SORBS2: variants seen among roughly 807,000 people sequenced by gnomAD.
SORBS2 encodes the protein sorbin and SH3 domain containing 2, also known as sorbin and SH3 domain-containing protein 2.
In SORBS2, 46 loss-of-function variants were observed where a neutral mutation model predicts 97.7. The observed-to-expected ratio is 0.47, with a 90% CI of 0.37 to 0.60. The LOEUF is 0.60. Ranked by LOEUF, SORBS2 falls within the 20% of genes least tolerant of loss-of-function variation. SORBS2 has a pLI of 0.00. For missense variants in SORBS2, 1,316 were observed against 1,282.3 expected, an observed-to-expected ratio of 1.03 and a Z score of -0.40; for synonymous variants, 476 against 473.4, an observed-to-expected ratio of 1.01 and a Z score of -0.07.
intron 4 of SORBS2, among the ~76,000 whole-genome samples, chr4:185,667,601 AACCT>A (rs2097635600): frequency 1.3e-5 from 2 of 151,536 alleles, no homozygotes; most frequent in Non-Finnish European, 2.9e-5. Flanking sequence ...AAGAAACCCC[AACCT>A]TGGATAAAAA....
At chr4:185,941,081 G>C (rs994331761) in intron 1 of SORBS2, among the ~76,000 whole-genome samples, 2 of 152,104 alleles carry the variant, frequency 1.3e-5, no homozygotes, top group South Asian at 4.1e-4. Context: ...CATGCCATTC[G>C]TCTACTTCGT....
chr4:185,840,095 A>G (rs945073793), intron 1 of SORBS2, among the ~76,000 whole-genome samples: 8 of 152,358 alleles, frequency 5.3e-5, no homozygotes, highest in Non-Finnish European at 7.3e-5. Flanking sequence ...GTGTAAATAC[A>G]GCTCTACAGC....
chr4:185,904,431 C>A (rs2099249531), intron 1 of SORBS2, among the ~76,000 whole-genome samples: 1 of 152,152 alleles, frequency 6.6e-6, no homozygotes, highest in Admixed American at 6.5e-5. Flanking sequence ...TGGCAGTGGC[C>A]TCTTCAGGCT....
intron 4 of SORBS2, among the ~76,000 whole-genome samples, chr4:185,644,284 C>T (rs2097174562): frequency 6.6e-6 from 1 of 152,252 alleles, no homozygotes; most frequent in African/African-American, 2.4e-5. Flanking sequence ...TATCCACACT[C>T]GAATCTCTGT....
intron 12 of SORBS2, among the ~76,000 whole-genome samples, chr4:185,600,581 T>G (rs2096239465): frequency 6.6e-6 from 1 of 152,190 alleles, no homozygotes; most frequent in Non-Finnish European, 1.5e-5. Context: ...TCAAGTGATC[T>G]GCCTGCCTCG....
chr4:185,799,493 A>T (rs973384329), intron 1 of SORBS2, among the ~76,000 whole-genome samples: 2 of 152,214 alleles, frequency 1.3e-5, no homozygotes, highest in African/African-American at 4.8e-5. Flanking sequence ...CGAGCATTAG[A>T]GTCCCGCTGA....
intron 1 of SORBS2, among the ~76,000 whole-genome samples, chr4:185,954,105 T>C (rs767968472): frequency 5.9e-5 from 9 of 152,258 alleles, no homozygotes; most frequent in African/African-American, 2.2e-4. Flanking sequence ...AGATTTTATA[T>C]ATCTCAGGTA....
chr4:185,756,883 C>T (rs1372151114), intron 2 of SORBS2, among the ~76,000 whole-genome samples: 2 of 152,124 alleles, frequency 1.3e-5, no homozygotes, highest in African/African-American at 2.4e-5. Flanking sequence ...AAGTCTTTCA[C>T]ATTTGCTGCT....
intron 4 of SORBS2, among the ~76,000 whole-genome samples, chr4:185,638,598 A>G (rs2097067248): frequency 6.6e-6 from 1 of 151,226 alleles, no homozygotes; most frequent in South Asian, 2.1e-4. Context: ...TAGCAGTCCC[A>G]GCATGGGAGC....
At chr4:185,896,892 CAAA>C (rs70962602) in intron 1 of SORBS2, among the ~76,000 whole-genome samples, 20 of 109,816 alleles carry the variant, frequency 1.8e-4, no homozygotes, top group East Asian at 2.4e-4. Context: ...TACACATGGC[CAAA>C]AAAAAAAAAA....
intron 11 of SORBS2, 53 bp downstream of exon 23, chr4:185,614,778 C>A: frequency 6.2e-7 from 1 of 1,600,398 alleles, no homozygotes. Context: ...CTTTTCAAAC[C>A]CACTGAAGAA....
At chr4:185,649,736 T>C in intron 2 of SORBS2, 80 bp from the exon 12 acceptor site, 1 of 909,862 alleles carries the variant, frequency 1.1e-6, no homozygotes, top group Non-Finnish European at 1.5e-6. Context: ...TTTGTCCCCC[T>C]CAAAATAGCC....
At chr4:185,944,031 C>T (rs919271253) in intron 1 of SORBS2, among the ~76,000 whole-genome samples, 18 of 152,174 alleles carry the variant, frequency 1.2e-4, no homozygotes, top group Non-Finnish European at 7.3e-5. Flanking sequence ...AATGGTAGTG[C>T]TTCAGAAAGT....
chr4:185,594,125 TAAAGCA>T, intron 12 of SORBS2, 190 bp from the exon 25 acceptor site: 1 of 559,148 alleles, frequency 1.8e-6, no homozygotes. Flanking sequence ...AGCTTTAAAT[TAAAGCA>T]AAATAAGCAA....
intron 2 of SORBS2, among the ~76,000 whole-genome samples, chr4:185,764,711 C>T (rs890679160): frequency 7.2e-5 from 11 of 152,056 alleles, no homozygotes; most frequent in African/African-American, 2.7e-4. Flanking sequence ...TAAGAAATAG[C>T]AAATAGAGGG....
At position 185,852,355 on chromosome 4, in the gene SORBS2, T is replaced by C. The variant is rs190035345; in HGVS notation, c.-337-76989A>G. Among the ~76,000 whole-genome samples, 36 of 152,330 alleles carry C rather than the reference T, an allele frequency of 2.4e-4. No homozygotes were observed. In the East Asian group the frequency reaches 6.9e-3, roughly 29 times the overall value. ...CTCAATGCTACCTCTTATTCTAGAC[T>C]GGTATCTGCAGAGTGAGATACTATT... On this transcript the variant is annotated intron_variant, in intron 1 of 20. Coordinates refer to the SORBS2 transcript ENST00000284776.
At chr4:185,677,682 A>T (rs1426856622) in intron 4 of SORBS2, 2 of 1,419,216 alleles carry the variant, frequency 1.4e-6, no homozygotes, top group Non-Finnish European at 9.2e-7. Flanking sequence ...AAGTTGAAAG[A>T]AAAACAGAGA....
At chr4:185,828,637 T>C (rs1330672700) in intron 1 of SORBS2, among the ~76,000 whole-genome samples, 2 of 152,138 alleles carry the variant, frequency 1.3e-5, no homozygotes, top group East Asian at 1.9e-4. Flanking sequence ...CAGGGAACCA[T>C]GGCTCGCCCA....
At chr4:185,697,795 G>A (rs114276190) in intron 2 of SORBS2, among the ~76,000 whole-genome samples, 2,308 of 152,214 alleles carry the variant, frequency 0.015, 55 homozygotes, top group African/African-American at 0.052. Flanking sequence ...CTTGTACTGA[G>A]AAGCACACAT....
Sources: allele counts gnomAD v4.1 joint callset (sites outside exome capture counted in the v4.1 genomes callset), GRCh38; gene constraint gnomAD v4.1.1; transcripts MANE v1.5; gene names NCBI Gene and HGNC (gene_info 2026-07-23, HGNC 2026-07-21).